The following OR5H14 variants were observed in gnomAD, a reference collection of about 807,000 sequenced individuals.
The protein encoded by OR5H14 is olfactory receptor 5H14.
For synonymous variants in OR5H14, 155 were observed against 130.6 expected (o/e 1.19, Z -1.28); for missense variants, 392 against 363.9 (o/e 1.08, Z -0.63).
rs7644228 is a variant in OR5H14 at position 98,152,191 on chromosome 3, T to C, written c.*1873T>C. 92,680 of 151,594 alleles carry C rather than the reference T, an allele frequency of 0.61. 29,300 individuals carry two copies. Among genetic ancestry groups the C allele is most frequent in the African/African-American group, 0.79 (32,630 of 41,330 alleles). The allele number at this position is 151,594 out of a possible 1,614,324, so 9.4% of individuals were successfully genotyped here. ...ATGTGGAGAAATAAGAACTCATTTATCCTGTTGGTGGGAGTGTAATTAGTT... is the reference window on the plus strand; with the variant it reads ...ATGTGGAGAAATAAGAACTCATTTACCCTGTTGGTGGGAGTGTAATTAGTT... On this transcript the variant is annotated 3_prime_UTR_variant, in exon 2 of 2. Coordinates refer to ENST00000641380, the MANE Select transcript of OR5H14 (RefSeq NM_001005514.2).
intron 1 of OR5H14, among the ~76,000 whole-genome samples, 174 bp downstream of exon 1, chr3:98,147,728 T>C (rs752872783): frequency 6.6e-6 from 1 of 152,094 alleles, no homozygotes; most frequent in Non-Finnish European, 1.5e-5. Flanking sequence ...ATACTATGGA[T>C]AGGGTAAATA....
Position 98,154,430 on chromosome 3 carries a change from A to G in OR5H14, c.*4112A>G, listed in dbSNP as rs925390186. 1 of 152,278 alleles carries G rather than the reference A, an allele frequency of 6.6e-6. No homozygotes were observed. Among genetic ancestry groups the G allele is most frequent in the African/African-American group, 2.4e-5 (1 of 41,482 alleles). The allele number at this position is 152,278 out of a possible 1,614,324, so 9.4% of individuals were successfully genotyped here. On this transcript the variant is annotated 3_prime_UTR_variant, in exon 2 of 2. Transcript: ENST00000641380. ...ATCCTGGAAGAATTCTAAATTCCAC[A>G]GAAAATGTCTGGCACTTTTGTTTGG...
chr3:98,147,837 G>A (rs1458348920), intron 1 of OR5H14, among the ~76,000 whole-genome samples: 2 of 151,614 alleles, frequency 1.3e-5, no homozygotes, highest in African/African-American at 4.8e-5. Flanking sequence ...ATTAAAACTT[G>A]GTTTAAAGGT....
At position 98,147,554 on chromosome 3, in the gene OR5H14, G is replaced by T. The variant is rs988736529; in HGVS notation, c.-19G>T. 3.3e-5 allele frequency: 5 copies of T among 151,856 alleles called. No homozygotes were observed. The highest frequency in any genetic ancestry group is 1.2e-4 in the African/African-American group (5 of 41,362). The allele number at this position is 151,856 out of a possible 1,614,324, so 9.4% of individuals were successfully genotyped here. ...ATCCACAATTTCTTTCAAAAATATG[G>T]GTAAGGAAGAAATAATTTTTGTAAT... On this transcript the variant is annotated splice_region_variant and 5_prime_UTR_variant, in exon 1 of 2. An upstream open reading frame in the 5' UTR gains an earlier in-frame stop. Transcript: ENST00000641380.
Position 98,150,089 on chromosome 3 carries a change from G to C in OR5H14, c.704G>C (p.Arg235Thr). Residue 235 changes from arginine (R) to threonine (T), a missense_variant, in exon 2 of 2, where the codon AGA becomes ACA. By Grantham distance (71) the Arg-to-Thr change is moderately conservative. Transcript: ENST00000641380. ...ILKKKSVKGM[R>T]KAFSTCGAHL... ...AAAAAGAAGTCTGTCAAAGGTATGA[G>C]AAAAGCCTTCTCCACCTGTGGAGCT... 1 of 1,610,590 alleles carries C rather than the reference G, an allele frequency of 6.2e-7. No individual in the cohort carries two copies. The highest frequency in any genetic ancestry group is 8.5e-7 in the Non-Finnish European group (1 of 1,178,972).
rs1337273918 is a variant in OR5H14 at position 98,152,647 on chromosome 3, CAG to C, written c.*2330_*2331del. ...GGGAACATCACAAACTGGAGCCTGT[CAG>C]GGGGTGGAGGGGAAAGGTAGGGAGA... On this transcript the variant is annotated 3_prime_UTR_variant, in exon 2 of 2. Coordinates refer to ENST00000641380, the MANE Select transcript of OR5H14 (RefSeq NM_001005514.2). 1 of 152,000 alleles carries C rather than the reference CAG, an allele frequency of 6.6e-6. No individual in the cohort carries two copies. Among genetic ancestry groups the C allele is most frequent in the African/African-American group, 2.4e-5 (1 of 41,360 alleles). The allele number at this position is 152,000 out of a possible 1,614,324, so 9.4% of individuals were successfully genotyped here. A position where few individuals can be genotyped will look rare whatever the true frequency, so the allele number is the denominator to read the frequency against.
At position 98,153,086 on chromosome 3, in the gene OR5H14, A is replaced by T. The variant is rs1055627364; in HGVS notation, c.*2768A>T. 2.6e-4 allele frequency: 40 copies of T among 152,092 alleles called. No homozygotes were observed. The highest frequency in any genetic ancestry group is 9.7e-4 in the African/African-American group (40 of 41,414). 9.4% of individuals were successfully genotyped at this position (152,092 alleles called of 1,614,324 possible). A position where few individuals can be genotyped will look rare whatever the true frequency, so the allele number is the denominator to read the frequency against. ...TAAAGCAGTGTTTCTTTTATTGGAC[A>T]CTTTGTTTTTGCCATGTTAATCATA... On this transcript the variant is annotated 3_prime_UTR_variant, in exon 2 of 2. Coordinates refer to ENST00000641380, the MANE Select transcript of OR5H14 (RefSeq NM_001005514.2).
At position 98,150,144 on chromosome 3, in the gene OR5H14, G is replaced by T. The variant is rs548720526; in HGVS notation, c.759G>T (p.Gly253=). The T allele has an allele frequency of 6.2e-7, 1 of 1,611,730 alleles. No individual in the cohort carries two copies. The highest frequency in any genetic ancestry group is 2.2e-5 in the East Asian group (1 of 44,740). Reference sequence around the variant, plus strand: ...TCTTATCTGTATCTTTATACTATGGGCCCCTCGCCTTCATGTATATGGGCT... The same window carrying T: ...TCTTATCTGTATCTTTATACTATGGTCCCCTCGCCTTCATGTATATGGGCT... The part of the protein sequence containing the change: ...AHLLSVSLYY[G]PLAFMYMGSA... The change falls in exon 2 of 2, where the codon GGG becomes GGT. Residue 253 remains glycine, a synonymous_variant. Transcript: ENST00000641380.
rs1708542128 is a variant in OR5H14 at position 98,153,849 on chromosome 3, G to C, written c.*3531G>C. 1 of 152,176 alleles carries C rather than the reference G, an allele frequency of 6.6e-6. No individual in the cohort carries two copies. Among genetic ancestry groups the C allele is most frequent in the Non-Finnish European group, 1.5e-5 (1 of 68,028 alleles). The allele number at this position is 152,176 out of a possible 1,614,324, so 9.4% of individuals were successfully genotyped here. On this transcript the variant is annotated 3_prime_UTR_variant, in exon 2 of 2. Coordinates refer to ENST00000641380, the MANE Select transcript of OR5H14 (RefSeq NM_001005514.2). The stretch of plus-strand genomic sequence containing the variant: ...TCTGAAGTTTATATCAAGTTGTCCA[G>C]ACCTAGCTTGCAGGGCTTCAGGAAA...
Position 98,155,005 on chromosome 3 carries a change from C to T in OR5H14, c.*4687C>T, listed in dbSNP as rs76545197. 2.0e-5 allele frequency: 3 copies of T among 152,142 alleles called. No individual in the cohort carries two copies. Among genetic ancestry groups the T allele is most frequent in the African/African-American group, 7.2e-5 (3 of 41,518 alleles). 9.4% of individuals were successfully genotyped at this position (152,142 alleles called of 1,614,324 possible). A position where few individuals can be genotyped will look rare whatever the true frequency, so the allele number is the denominator to read the frequency against. On this transcript the variant is annotated 3_prime_UTR_variant, in exon 2 of 2. Transcript: ENST00000641380. ...CTAACTGCTCCCACAGATAATATTC[C>T]TATTGTGAAATCTAAGATTGGTGTT...
At position 98,150,178 on chromosome 3, in the gene OR5H14, C is replaced by T. The variant is rs775860811; in HGVS notation, c.793C>T (p.Pro265Ser). The T allele has an allele frequency of 6.2e-7, 1 of 1,612,798 alleles. No individual in the cohort carries two copies. The highest frequency in any genetic ancestry group is 1.1e-5 in the South Asian group (1 of 91,006). The change falls in exon 2 of 2, where the codon CCA becomes TCA. Residue 265 changes from proline to serine, a missense_variant. By Grantham distance (74) the Pro-to-Ser change is moderately conservative (BLOSUM62 -1). Coordinates refer to ENST00000641380, the MANE Select transcript of OR5H14 (RefSeq NM_001005514.2). ...LAFMYMGSAS[P>S]QADDQDMMES... ...CTTCATGTATATGGGCTCTGCATCC[C>T]CACAGGCTGATGACCAAGATATGAT...
Position 98,149,973 on chromosome 3 carries a change from TC to T in OR5H14, c.589del (p.Leu197Ter), listed in dbSNP as rs758178297. ...ISYTDSSINF[L>X]MVFIFAGSIQ... ...CTTATACTGATTCCTCTATTAACTT[TC>T]TAATGGTTTTTATTTTTGCAGGTTC... On this transcript the variant is annotated frameshift_variant, in exon 2 of 2. Transcript: ENST00000641380. LOFTEE classifies it low-confidence loss of function (END_TRUNC). 1.2e-6 allele frequency: 2 copies of T among 1,613,042 alleles called. No homozygotes were observed. The highest frequency in any genetic ancestry group is 1.7e-6 in the Non-Finnish European group (2 of 1,179,468).
Position 98,156,015 on chromosome 3 carries a change from A to AAG in OR5H14, c.*5699_*5700dup, listed in dbSNP as rs1708585274. On this transcript the variant is annotated 3_prime_UTR_variant, in exon 2 of 2. Transcript: ENST00000641380. Reference sequence around the variant, plus strand: ...TTCACTTTGTCCTACAGGAAAGCCTAAGATGCTCTCAGGGGAATTTCAGTT... The same window carrying AAG: ...TTCACTTTGTCCTACAGGAAAGCCTAAGAGATGCTCTCAGGGGAATTTCAGTT... 1 of 152,188 alleles carries AAG rather than the reference A, an allele frequency of 6.6e-6. No homozygotes were observed. The highest frequency in any genetic ancestry group is 6.6e-5 in the Admixed American group (1 of 15,262). The allele number at this position is 152,188 out of a possible 1,614,324, so 9.4% of individuals were successfully genotyped here.
Position 98,155,422 on chromosome 3 carries a change from G to T in OR5H14, c.*5104G>T, listed in dbSNP as rs1224984424. On this transcript the variant is annotated 3_prime_UTR_variant, in exon 2 of 2. Coordinates refer to ENST00000641380, the MANE Select transcript of OR5H14 (RefSeq NM_001005514.2). ...ACAGAGAGGGAGCAGTTGGAGTTAA[G>T]TCAGTCAATGATCTACACCTAGACT... 1 of 145,544 alleles carries T rather than the reference G, an allele frequency of 6.9e-6. No individual in the cohort carries two copies. The highest frequency in any genetic ancestry group is 1.5e-5 in the Non-Finnish European group (1 of 64,760). The allele number at this position is 145,544 out of a possible 1,614,324, so 9.0% of individuals were successfully genotyped here. A position where few individuals can be genotyped will look rare whatever the true frequency, so the allele number is the denominator to read the frequency against.
In OR5H14 at chr3:98,154,863, A is replaced by G. The variant is rs1180165910; in HGVS notation, c.*4545A>G. ...GATGGTAACAGTCTCTCCTCAAAGCAAACTTCCTCCTAGCTTGGGGATCTG... is the reference window on the plus strand; with the variant it reads ...GATGGTAACAGTCTCTCCTCAAAGCGAACTTCCTCCTAGCTTGGGGATCTG... On this transcript the variant is annotated 3_prime_UTR_variant, in exon 2 of 2. Coordinates refer to ENST00000641380, the MANE Select transcript of OR5H14 (RefSeq NM_001005514.2). 1.3e-5 allele frequency: 2 copies of G among 152,226 alleles called. No individual in the cohort carries two copies. The highest frequency in any genetic ancestry group is 4.8e-5 in the African/African-American group (2 of 41,470). The allele number at this position is 152,226 out of a possible 1,614,324, so 9.4% of individuals were successfully genotyped here. A position where few individuals can be genotyped will look rare whatever the true frequency, so the allele number is the denominator to read the frequency against.
At chr3:98,148,260 A>G (rs1263351403) in intron 1 of OR5H14, 2 of 152,012 alleles carry the variant, frequency 1.3e-5, no homozygotes, top group African/African-American at 4.8e-5. Context: ...GGATGGCAAA[A>G]AAGATCACAT....
At chr3:98,148,929 A>T (rs1708458290) in intron 1 of OR5H14, among the ~76,000 whole-genome samples, 1 of 151,772 alleles carries the variant, frequency 6.6e-6, no homozygotes, top group South Asian at 2.1e-4. Flanking sequence ...CATATTTTCT[A>T]CACTATCAAA....
Position 98,150,967 on chromosome 3 carries a change from A to C in OR5H14, c.*649A>C, listed in dbSNP as rs1421822273. 15 of 152,158 alleles carry C rather than the reference A, an allele frequency of 9.9e-5. No individual in the cohort carries two copies. The highest frequency in any genetic ancestry group is 2.6e-4 in the Admixed American group (4 of 15,260). 9.4% of individuals were successfully genotyped at this position (152,158 alleles called of 1,614,324 possible). A position where few individuals can be genotyped will look rare whatever the true frequency, so the allele number is the denominator to read the frequency against. On this transcript the variant is annotated 3_prime_UTR_variant, in exon 2 of 2. Coordinates refer to ENST00000641380, the MANE Select transcript of OR5H14 (RefSeq NM_001005514.2). ...GTGCTTGTATGAGTAAGAACCATGC[A>C]GCCTCTAACTTCCTAAGATGGCTTC...
rs9832602 is a variant in OR5H14, at chr3:98,152,650, G to C, written c.*2332G>C. On this transcript the variant is annotated 3_prime_UTR_variant, in exon 2 of 2. Transcript: ENST00000641380. ...AACATCACAAACTGGAGCCTGTCAG[G>C]GGGTGGAGGGGAAAGGTAGGGAGAG... is the stretch of plus-strand genomic sequence containing the variant. 60,066 of 151,828 alleles carry C rather than the reference G, an allele frequency of 0.4. 12,396 individuals carry two copies. Among genetic ancestry groups the C allele is most frequent in the African/African-American group, 0.46 (19,129 of 41,372 alleles). 9.4% of individuals were successfully genotyped at this position (151,828 alleles called of 1,614,324 possible).
Sources: gnomAD v4.1 joint callset for allele counts (sites outside exome capture counted in the v4.1 genomes callset) on GRCh38, gnomAD v4.1.1 for gene constraint, MANE v1.5 for transcripts, NCBI Gene and HGNC (gene_info 2026-07-23, HGNC 2026-07-21) for gene names.